Variants in EPHB1 observed in about 807,000 individuals in gnomAD.
EPHB1 encodes the protein EPH receptor B1, also known as ephrin type-B receptor 1.
EPHB1 carries 30 observed loss-of-function variants against 94.4 expected under a neutral mutation model. The observed-to-expected ratio is 0.32, with a 90% CI of 0.24 to 0.43. EPHB1 has a LOEUF of 0.43. Among genes scored for constraint, EPHB1 ranks in the 20% least tolerant of loss-of-function variants. The pLI is 1.00. For missense variants in EPHB1, 1,055 were observed against 1,308.3 expected (o/e 0.81, Z 2.99); for synonymous variants, 522 against 489.1 (o/e 1.07, Z -0.89).
At chr3:135,257,514 C>T (rs139579468) in intron 15 of EPHB1, among the ~76,000 whole-genome samples, 473 of 152,158 alleles carry the variant, frequency 3.1e-3, no homozygotes, top group African/African-American at 0.01. Flanking sequence ...GGGGTGCCTC[C>T]CAGTTAGGTT....
chr3:135,115,308 G>A (rs1939645532), intron 4 of EPHB1, among the ~76,000 whole-genome samples: 1 of 152,208 alleles, frequency 6.6e-6, no homozygotes, highest in Non-Finnish European at 1.5e-5. Context: ...GGCAGAACTG[G>A]CCTGGAATGG....
At chr3:135,258,428 T>C (rs1016201720) in intron 15 of EPHB1, among the ~76,000 whole-genome samples, 19 of 152,232 alleles carry the variant, frequency 1.2e-4, no homozygotes, top group African/African-American at 4.6e-4. Flanking sequence ...CTTGTTCTTA[T>C]TAATCCAATT....
At chr3:135,181,843 G>A (rs1942160761) in intron 10 of EPHB1, among the ~76,000 whole-genome samples, 2 of 152,286 alleles carry the variant, frequency 1.3e-5, no homozygotes, top group South Asian at 2.1e-4. Flanking sequence ...ATTTGCCAGT[G>A]CTGCCATGTT....
intron 6 of EPHB1, among the ~76,000 whole-genome samples, chr3:135,160,198 A>G (rs1316334954): frequency 1.3e-5 from 2 of 152,200 alleles, no homozygotes; most frequent in Non-Finnish European, 1.5e-5. Flanking sequence ...GCACCCAGAG[A>G]TAGTAGTGTG....
chr3:135,246,179 C>A (rs1943919307), intron 13 of EPHB1, among the ~76,000 whole-genome samples: 1 of 152,146 alleles, frequency 6.6e-6, no homozygotes, highest in Non-Finnish European at 1.5e-5. Flanking sequence ...ACTTTGGGGA[C>A]CCCTGGCATC....
At chr3:134,860,465 T>C (rs911645207) in intron 1 of EPHB1, among the ~76,000 whole-genome samples, 1 of 152,114 alleles carries the variant, frequency 6.6e-6, no homozygotes, top group Non-Finnish European at 1.5e-5. Context: ...GTTTTGACTA[T>C]ATGCACCTTC....
At chr3:134,901,206 C>A (rs1336508265) in intron 1 of EPHB1, among the ~76,000 whole-genome samples, 1 of 152,174 alleles carries the variant, frequency 6.6e-6, no homozygotes, top group Non-Finnish European at 1.5e-5. Flanking sequence ...TTAGTGTTAT[C>A]AAATACCCAG....
intron 3 of EPHB1, among the ~76,000 whole-genome samples, chr3:135,065,561 G>A (rs759273524): frequency 6.6e-6 from 1 of 152,142 alleles, no homozygotes; most frequent in Non-Finnish European, 1.5e-5. Context: ...CACCCTTTAA[G>A]TTTTAGTTAT....
Position 135,259,130 on chromosome 3 carries a change from T to C in EPHB1, c.*10T>C. ...AACGGCAATGGCATGAGAACTCTTGTTTCTTGGGGAAGGAGAGGAGGGAAA... is the reference window on the plus strand; with the variant it reads ...AACGGCAATGGCATGAGAACTCTTGCTTCTTGGGGAAGGAGAGGAGGGAAA... On this transcript the variant is annotated 3_prime_UTR_variant, in exon 16 of 16. Coordinates refer to ENST00000398015, the MANE Select transcript of EPHB1 (RefSeq NM_004441.5). 2 of 1,597,138 alleles carry C rather than the reference T, an allele frequency of 1.3e-6. No individual in the cohort carries two copies. Among genetic ancestry groups the C allele is most frequent in the East Asian group, 2.2e-5 (1 of 44,496 alleles).
At chr3:135,136,689 A>C (rs1487622285) in intron 5 of EPHB1, among the ~76,000 whole-genome samples, 1 of 152,186 alleles carries the variant, frequency 6.6e-6, no homozygotes, top group Non-Finnish European at 1.5e-5. Context: ...CAGACTGATG[A>C]AAAATCACAT....
chr3:134,877,929 T>C (rs2037650861), intron 1 of EPHB1, among the ~76,000 whole-genome samples: 1 of 152,244 alleles, frequency 6.6e-6, no homozygotes, highest in Admixed American at 6.5e-5. Flanking sequence ...CCTCCAGTGC[T>C]ATCTGGCTGG....
At chr3:134,882,039 G>GGCAA (rs553293839) in intron 1 of EPHB1, among the ~76,000 whole-genome samples, 6 of 152,242 alleles carry the variant, frequency 3.9e-5, no homozygotes, top group Admixed American at 1.3e-4. Flanking sequence ...TGTAATCAGA[G>GGCAA]GCAAGCTAAT....
intron 1 of EPHB1, among the ~76,000 whole-genome samples, chr3:134,818,651 A>G (rs975006034): frequency 2.6e-5 from 4 of 152,210 alleles, no homozygotes; most frequent in South Asian, 2.1e-4. Context: ...ACTTAGAATA[A>G]TAGTCTCCAG....
chr3:135,223,601 T>C (rs1030919385), intron 12 of EPHB1, among the ~76,000 whole-genome samples: 24 of 152,190 alleles, frequency 1.6e-4, no homozygotes, highest in African/African-American at 5.8e-4. Context: ...AGCTAGGAGA[T>C]TGTCCATATT....
chr3:134,938,613 ACAT>A (rs2039056353), intron 2 of EPHB1, among the ~76,000 whole-genome samples: 1 of 152,182 alleles, frequency 6.6e-6, no homozygotes, highest in Admixed American at 6.5e-5. Flanking sequence ...TAGAGCATAC[ACAT>A]CATGGAGGGA....
rs907852057 is a variant in EPHB1, at chr3:134,817,131, GT to G, written c.58+21452del. On this transcript the variant is annotated intron_variant, in intron 1 of 15. Coordinates refer to ENST00000398015, the MANE Select transcript of EPHB1 (RefSeq NM_004441.5). ...TCAAGGTAAGTAATATATGAATGTA[GT>G]TTTTTTTTTAAATCAAATTCTGTAA... Among the ~76,000 whole-genome samples, 951 of 150,102 alleles carry G rather than the reference GT, an allele frequency of 6.3e-3. 5 individuals are homozygous for G. The highest frequency in any genetic ancestry group is 9.3e-3 in the Non-Finnish European group (629 of 67,320).
rs1247849440 is a variant in EPHB1, at chr3:135,248,446, A to G, written c.2627A>G (p.Asn876Ser). The G allele has an allele frequency of 2.5e-6, 4 of 1,613,746 alleles. No individual in the cohort carries two copies. Among genetic ancestry groups the G allele is most frequent in the East Asian group, 2.2e-5 (1 of 44,874 alleles). Residue 876 changes from asparagine (N) to serine (S), a missense_variant, in exon 14 of 16, where the codon AAC (asparagine) becomes AGC (serine). By Grantham distance (46) the Asn-to-Ser change is conservative. Coordinates refer to ENST00000398015, the MANE Select transcript of EPHB1 (RefSeq NM_004441.5). ...CGGCCCCGGTTTGCGGAGATTGTCAACACCCTAGATAAGATGATCCGGAAC... is the reference window on the plus strand; with the variant it reads ...CGGCCCCGGTTTGCGGAGATTGTCAGCACCCTAGATAAGATGATCCGGAAC... ...NSRPRFAEIV[N>S]TLDKMIRNPA...
At chr3:135,172,228 G>A (rs1422199737) in intron 9 of EPHB1, among the ~76,000 whole-genome samples, 2 of 152,210 alleles carry the variant, frequency 1.3e-5, no homozygotes, top group Non-Finnish European at 2.9e-5. Context: ...CACCCAGGCA[G>A]GAACCTGGAA....
intron 3 of EPHB1, among the ~76,000 whole-genome samples, chr3:135,014,393 T>C (rs947519612): frequency 2.6e-5 from 4 of 152,198 alleles, no homozygotes; most frequent in Non-Finnish European, 5.9e-5. Flanking sequence ...GCCTTCCTTT[T>C]CTGTTTCTTT....
Sources: gnomAD v4.1 joint callset for allele counts (sites outside exome capture counted in the v4.1 genomes callset) on GRCh38, gnomAD v4.1.1 for gene constraint, MANE v1.5 for transcripts, NCBI Gene and HGNC (gene_info 2026-07-23, HGNC 2026-07-21) for gene names.